BMERB1: variants seen among roughly 807,000 people sequenced by gnomAD.
BMERB1 encodes bMERB domain-containing protein 1.
A neutral mutation model predicts 23.6 loss-of-function variants in BMERB1; 12 were observed. The ratio of observed to expected loss-of-function variants is 0.51; its 90% CI spans 0.33 to 0.82. The LOEUF (loss-of-function observed/expected upper bound fraction) is 0.82, where lower values mean the gene tolerates loss of function less well. Among genes scored for constraint, BMERB1 ranks in the 40% least tolerant of loss-of-function variants. The probability of loss-of-function intolerance (pLI) is 0.03; values close to 1 mark genes in which losing one functional copy is unlikely to be tolerated. For synonymous variants in BMERB1, 122 were observed against 96.6 expected (o/e 1.26, Z -1.54); for missense variants, 247 against 255.4 (o/e 0.97, Z 0.22).
At chr16:15,478,907 C>T (rs571159243) in intron 1 of BMERB1, among the ~76,000 whole-genome samples, 1 of 152,318 alleles carries the variant, frequency 6.6e-6, no homozygotes, top group South Asian at 2.1e-4. Context: ...ACACGAAAAG[C>T]ACTTCTTCTG....
intron 1 of BMERB1, among the ~76,000 whole-genome samples, chr16:15,436,007 A>G (rs1011088458): frequency 6.6e-6 from 1 of 151,862 alleles, no homozygotes; most frequent in Non-Finnish European, 1.5e-5. Context: ...CTTTGGCATA[A>G]TATCAGGGCG....
In BMERB1 at chr16:15,516,046, G is replaced by A. The variant is rs146771441; in HGVS notation, c.230+618G>A. On this transcript the variant is annotated intron_variant, in intron 2 of 5. Transcript: ENST00000300006. Reference sequence around the variant, plus strand: ...AGGCTGAGGTGGGAGGACTGCTTGAGTCCTGGAGTTCAAGGCTGCAGTGAG... The same window carrying A: ...AGGCTGAGGTGGGAGGACTGCTTGAATCCTGGAGTTCAAGGCTGCAGTGAG... 2.0e-4 allele frequency among the ~76,000 whole-genome samples: 31 copies of A among 152,270 alleles called. 1 individual carries two copies. In the East Asian group the frequency reaches 4.1e-3, roughly 20 times the overall value.
At chr16:15,488,183 A>G (rs2051383733) in intron 1 of BMERB1, among the ~76,000 whole-genome samples, 1 of 152,186 alleles carries the variant, frequency 6.6e-6, no homozygotes, top group South Asian at 2.1e-4. Flanking sequence ...AGCAGTCATC[A>G]ACAGTACCTA....
intron 1 of BMERB1, among the ~76,000 whole-genome samples, chr16:15,465,865 T>G (rs1211172593): frequency 6.6e-6 from 1 of 152,200 alleles, no homozygotes. Context: ...GGTAGCTTAT[T>G]TTGCCACTAA....
intron 2 of BMERB1, among the ~76,000 whole-genome samples, chr16:15,545,358 C>T (rs748679561): frequency 1.1e-4 from 16 of 152,110 alleles, no homozygotes; most frequent in Non-Finnish European, 7.4e-5. Context: ...CAGTACCAAT[C>T]GATAGAAGAC....
chr16:15,552,811 T>G (rs1192271091), intron 2 of BMERB1, among the ~76,000 whole-genome samples: 3 of 152,226 alleles, frequency 2.0e-5, no homozygotes, highest in Admixed American at 2.0e-4. Flanking sequence ...AGTGAATTGG[T>G]GAACAGCATT....
intron 1 of BMERB1, among the ~76,000 whole-genome samples, chr16:15,513,538 C>T (rs964636241): frequency 2.6e-5 from 4 of 152,202 alleles, no homozygotes; most frequent in African/African-American, 9.7e-5. Flanking sequence ...TATAAATATA[C>T]ATTCACACGC....
rs972412791 is a variant in BMERB1 at position 15,588,258 on chromosome 16, C to T, written c.*1429C>T. The stretch of plus-strand genomic sequence containing the variant: ...TAAACATTAAACACTCTTCATAAAT[C>T]ATGCCAATGTCTGTTTAGTAATCCA... On this transcript the variant is annotated 3_prime_UTR_variant, in exon 6 of 6. Transcript: ENST00000300006. The T allele has an allele frequency of 6.6e-6, 1 of 152,220 alleles. No homozygotes were observed. The highest frequency in any genetic ancestry group is 6.5e-5 in the Admixed American group (1 of 15,288). The allele number at this position is 152,220 out of a possible 1,614,324, so 9.4% of individuals were successfully genotyped here.
intron 2 of BMERB1, among the ~76,000 whole-genome samples, chr16:15,562,314 A>C (rs1012251968): frequency 6.6e-6 from 1 of 151,716 alleles, no homozygotes; most frequent in South Asian, 2.1e-4. Flanking sequence ...AAAAAAAAAA[A>C]AAAAAACATA....
chr16:15,454,212 A>C (rs981151910), intron 1 of BMERB1, among the ~76,000 whole-genome samples: 2 of 152,212 alleles, frequency 1.3e-5, no homozygotes, highest in South Asian at 4.1e-4. Context: ...ATGTTGGACA[A>C]ATTAGATGTA....
chr16:15,461,809 C>G (rs1648312928), intron 1 of BMERB1, among the ~76,000 whole-genome samples: 1 of 152,044 alleles, frequency 6.6e-6, no homozygotes, highest in South Asian at 2.1e-4. Context: ...TTGTGTGCAC[C>G]TGTAGTACCA....
intron 1 of BMERB1, among the ~76,000 whole-genome samples, chr16:15,480,662 G>A (rs572991124): frequency 7.3e-6 from 1 of 137,236 alleles, no homozygotes; most frequent in East Asian, 2.1e-4. Context: ...CACCCCGGCT[G>A]GAGTGCAGTG....
chr16:15,566,527 C>T (rs560903565), intron 2 of BMERB1, among the ~76,000 whole-genome samples: 108 of 152,158 alleles, frequency 7.1e-4, no homozygotes, highest in Non-Finnish European at 1.3e-3. Flanking sequence ...AGTGCAGTGG[C>T]TCACGCCTGT....
intron 2 of BMERB1, among the ~76,000 whole-genome samples, chr16:15,554,887 C>T (rs1457299718): frequency 2.0e-5 from 3 of 151,970 alleles, no homozygotes; most frequent in Non-Finnish European, 4.4e-5. Flanking sequence ...AGGATGGTCT[C>T]GATCTCCTGA....
At chr16:15,541,415 G>A (rs1598506695) in intron 2 of BMERB1, among the ~76,000 whole-genome samples, 2 of 142,310 alleles carry the variant, frequency 1.4e-5, no homozygotes, top group Admixed American at 7.2e-5. Context: ...GAAGTTGCCC[G>A]CCGAATTGTT....
chr16:15,464,507 G>A (rs541162054), intron 1 of BMERB1, among the ~76,000 whole-genome samples: 2 of 152,218 alleles, frequency 1.3e-5, no homozygotes, highest in Non-Finnish European at 2.9e-5. Flanking sequence ...TGTAGGCAGA[G>A]CAGTCTCGAG....
chr16:15,483,714 G>C (rs1003654588), intron 1 of BMERB1, among the ~76,000 whole-genome samples: 1 of 152,116 alleles, frequency 6.6e-6, no homozygotes, highest in African/African-American at 2.4e-5. Context: ...GCTCTCTGCT[G>C]ATCTACAACT....
At chr16:15,554,427 A>G (rs1352564286) in intron 2 of BMERB1, among the ~76,000 whole-genome samples, 1 of 152,158 alleles carries the variant, frequency 6.6e-6, no homozygotes, top group Non-Finnish European at 1.5e-5. Context: ...AGCATTCAAT[A>G]AGTACTAGCA....
In BMERB1 at chr16:15,556,473, A is replaced by C. The variant is rs150768293; in HGVS notation, c.231-11510A>C. Among the ~76,000 whole-genome samples, 17 of 152,364 alleles carry C rather than the reference A, an allele frequency of 1.1e-4. No homozygotes were observed. In the East Asian group the frequency reaches 3.1e-3, roughly 28 times the overall value. On this transcript the variant is annotated intron_variant, in intron 2 of 5. Coordinates refer to ENST00000300006, the MANE Select transcript of BMERB1 (RefSeq NM_033201.3). ...TAGGTCATAGCCAGTCAATGGGGGT[A>C]CTGAGATCTGCATTGAGATCTGGCT...
Sources: allele counts gnomAD v4.1 joint callset (sites outside exome capture counted in the v4.1 genomes callset), GRCh38; gene constraint gnomAD v4.1.1; transcripts MANE v1.5; gene names NCBI Gene and HGNC (gene_info 2026-07-23, HGNC 2026-07-21).